The following NOTCH3 variants were observed in gnomAD, a reference collection of about 807,000 sequenced individuals.
NOTCH3 encodes neurogenic locus notch homolog protein 3.
A neutral mutation model predicts 213.3 loss-of-function variants in NOTCH3; 86 were observed. That is an observed-to-expected ratio of 0.40 (90% confidence interval 0.34 to 0.48). NOTCH3 has a LOEUF of 0.48. Ranked by LOEUF, NOTCH3 falls within the 20% of genes least tolerant of loss-of-function variation. The pLI is 0.57. For synonymous variants in NOTCH3, 1,354 were observed against 1,355.9 expected (o/e 1.00, Z 0.03); for missense variants, 2,783 against 3,272.6 (o/e 0.85, Z 3.65).
rs780963644 is a variant in NOTCH3, at chr19:15,161,340, C to T, written c.6288G>A (p.Ser2096=). Residue 2096 remains serine (S), a synonymous_variant, in exon 33 of 33, where the codon TCG becomes TCA. Coordinates refer to ENST00000263388, the MANE Select transcript of NOTCH3 (RefSeq NM_000435.3). The part of the protein sequence containing the change: ...LACPGPLADS[S]VTLSPVDSLD... ...GCGAGTCCACGGGCGACAGCGTGAC[C>T]GAGCTGTCAGCCAGGGGGCCCGGGC... The T allele has an allele frequency of 1.8e-5, 27 of 1,526,656 alleles. No individual in the cohort carries two copies. The East Asian group carries it at 1.9e-4, about 11-fold the overall frequency. 94.6% of individuals were successfully genotyped at this position (1,526,656 alleles called of 1,614,324 possible). A position where few individuals can be genotyped will look rare whatever the true frequency, so the allele number is the denominator to read the frequency against.
At position 15,192,405 on chromosome 19, in the gene NOTCH3, G is replaced by A. The variant is rs2145443103; in HGVS notation, c.312C>T (p.Phe104=). The A allele has an allele frequency of 6.2e-7, 1 of 1,612,610 alleles. No homozygotes were observed. The highest frequency in any genetic ancestry group is 8.5e-7 in the Non-Finnish European group (1 of 1,179,938). The change falls in exon 3 of 33, where the codon TTC becomes TTT. Residue 104 remains phenylalanine, a synonymous_variant. Transcript: ENST00000263388. ...QSSVVAGTAR[F]SCRCPRGFRG... ...GGAAGCCACGGGGGCACCGGCATGA[G>A]AATCGGGCGGTGCCAGCCACCACTG... is the stretch of plus-strand genomic sequence containing the variant.
In NOTCH3 at chr19:15,165,851, T is replaced by C. The variant is rs2145391979; in HGVS notation, c.5603A>G (p.Gln1868Arg). ...LLDAGADTNA[Q>R]DHSGRTPLHT... ...CAGGGGAGTGCGGCCTGAGTGGTCC[T>C]GGGCATTGGTGTCTGCCCCAGCATC... is the stretch of plus-strand genomic sequence containing the variant. The change falls in exon 30 of 33, where the codon CAG (glutamine) becomes CGG (arginine). Residue 1868 changes from glutamine to arginine, a missense_variant. By Grantham distance (43) the Gln-to-Arg change is conservative. Transcript: ENST00000263388. The surrounding 1 kb of genome is among the most constrained non-coding windows in gnomAD (Gnocchi z 4.7). The C allele has an allele frequency of 1.5e-5, 25 of 1,614,010 alleles. No individual in the cohort carries two copies. Among genetic ancestry groups the C allele is most frequent in the Non-Finnish European group, 2.1e-5 (25 of 1,180,006 alleles).
rs1455598072 is a variant in NOTCH3 at position 15,191,467 on chromosome 19, G to A, written c.993C>T (p.Asp331=). ...AGGCACAGTAGAAAGAAGCCACGCG[G>A]TCATGGCAGGTGGCCCCATGGAAGC... ...AVCFHGATCH[D]RVASFYCACP... Residue 331 remains aspartate (D), a synonymous_variant, in exon 6 of 33, where the codon GAC becomes GAT. Transcript: ENST00000263388. 3.1e-6 allele frequency: 5 copies of A among 1,613,480 alleles called. No individual in the cohort carries two copies. The highest frequency in any genetic ancestry group is 4.2e-6 in the Non-Finnish European group (5 of 1,180,042).
intron 25 of NOTCH3, among the ~76,000 whole-genome samples, chr19:15,171,710 C>T (rs1239373424): frequency 2.0e-5 from 3 of 152,134 alleles, no homozygotes; most frequent in South Asian, 2.1e-4. Flanking sequence ...CTTGCTCTGT[C>T]GACAGGCTGG....
rs761959009 is a variant in NOTCH3, at chr19:15,192,138, G to A, written c.501C>T (p.Pro167=). The change falls in exon 4 of 33, where the codon CCC becomes CCT. Residue 167 remains proline, a synonymous_variant. Transcript: ENST00000263388. ...SDVDECRVGE[P]CRHGGTCLNT... Reference sequence around the variant, plus strand: ...TGAGGCAGGTGCCACCATGGCGGCAGGGCTCACCCACCCGGCACTCATCCA... The same window carrying A: ...TGAGGCAGGTGCCACCATGGCGGCAAGGCTCACCCACCCGGCACTCATCCA... 1.9e-6 allele frequency: 3 copies of A among 1,612,872 alleles called. No homozygotes were observed. The highest frequency in any genetic ancestry group is 1.7e-5 in the Admixed American group (1 of 59,998).
chr19:15,195,246 G>A (rs1034169570), intron 2 of NOTCH3, among the ~76,000 whole-genome samples: 4 of 152,096 alleles, frequency 2.6e-5, no homozygotes, highest in African/African-American at 9.7e-5. Flanking sequence ...GAGGGTTGGG[G>A]TACTGACACC....
At chr19:15,174,894 T>C (rs1191019402) in intron 24 of NOTCH3, among the ~76,000 whole-genome samples, 1 of 152,116 alleles carries the variant, frequency 6.6e-6, no homozygotes, top group South Asian at 2.1e-4. Flanking sequence ...TTTTTTTAAA[T>C]TGATTGATTG....
chr19:15,184,905 C>A lies in NOTCH3; in HGVS notation c.2410+1G>T. 1 of 1,530,958 alleles carries A rather than the reference C, an allele frequency of 6.5e-7. No homozygotes were observed. The highest frequency in any genetic ancestry group is 8.9e-7 in the Non-Finnish European group (1 of 1,128,704). 94.8% of individuals were successfully genotyped at this position (1,530,958 alleles called of 1,614,324 possible). A position where few individuals can be genotyped will look rare whatever the true frequency, so the allele number is the denominator to read the frequency against. On this transcript the variant is annotated splice_donor_variant, in intron 15 of 32. Transcript: ENST00000263388. LOFTEE classifies it high-confidence loss of function. ...GGAGGGAAGAGAAGCAGGTGGCATACCTTGCCAGCCCTGGGGGCAGGAGCA... is the reference window on the plus strand; with the variant it reads ...GGAGGGAAGAGAAGCAGGTGGCATAACTTGCCAGCCCTGGGGGCAGGAGCA...
chr19:15,199,949 C>T (rs1025547850), intron 1 of NOTCH3, among the ~76,000 whole-genome samples: 1 of 151,724 alleles, frequency 6.6e-6, no homozygotes, highest in African/African-American at 2.4e-5. Flanking sequence ...CCGCGGGTCC[C>T]GCTTTGTCTG....
In NOTCH3 at chr19:15,170,744, G is replaced by A. The variant is rs2145401670; in HGVS notation, c.4818C>T (p.Ser1606=). 1 of 1,611,036 alleles carries A rather than the reference G, an allele frequency of 6.2e-7. No homozygotes were observed. Among genetic ancestry groups the A allele is most frequent in the South Asian group, 1.1e-5 (1 of 90,364 alleles). Residue 1606 remains serine (S), a synonymous_variant, in exon 26 of 33, where the codon AGC becomes AGT. Transcript: ENST00000263388. ...ACAACGCTCCCAGGTAGTCAGCGGC[G>A]CTCTGGGCATCGGGGAAGCAGTGAT... is the stretch of plus-strand genomic sequence containing the variant. ...ENDHCFPDAQ[S]AADYLGALSA...
At position 15,185,045 on chromosome 19, in the gene NOTCH3, C is replaced by T. The variant is rs756791417; in HGVS notation, c.2297-26G>A. 4 of 1,361,318 alleles carry T rather than the reference C, an allele frequency of 2.9e-6. No individual in the cohort carries two copies. The African/African-American group carries it at 5.7e-5, about 20-fold the overall frequency. The allele number at this position is 1,361,318 out of a possible 1,614,324, so 84.3% of individuals were successfully genotyped here. The stretch of plus-strand genomic sequence containing the variant: ...CTGTTGGGGGTGGAAGAGAGGGAAG[C>T]AGAGATAGCCTTGAGGGACTCCCTG... On this transcript the variant is annotated intron_variant, in intron 14 of 32. Coordinates refer to ENST00000263388, the MANE Select transcript of NOTCH3 (RefSeq NM_000435.3). The surrounding 1 kb of genome is among the most constrained non-coding windows in gnomAD (Gnocchi z 4.2).
Position 15,186,875 on chromosome 19 carries a change from C to A in NOTCH3, c.1951+3G>T. The A allele has an allele frequency of 6.2e-7, 1 of 1,612,290 alleles. No homozygotes were observed. Among genetic ancestry groups the A allele is most frequent in the Admixed American group, 1.7e-5 (1 of 60,024 alleles). On this transcript the variant is annotated splice_donor_region_variant and intron_variant, in intron 12 of 32. Coordinates refer to ENST00000263388, the MANE Select transcript of NOTCH3 (RefSeq NM_000435.3). ...CCCCCTCTCATGGCAGCCACTTGCC[C>A]ACCTGTGAAGCCAGGTTGGCAGACA... is the stretch of plus-strand genomic sequence containing the variant.
In NOTCH3 at chr19:15,178,003, G is replaced by C. The variant is rs1402176902; in HGVS notation, c.3925C>G (p.Arg1309Gly). ...PVGVPCQQTPRGPRCACPPGL... is the reference protein window; with the variant it reads ...PVGVPCQQTPGGPRCACPPGL... ...GGGGGGCAGGCGCAGCGCGGCCCGC[G>C]GGGCGTCTGCTGGCATGGGACGCCC... Residue 1309 changes from arginine to glycine, a missense_variant, in exon 24 of 33, where the codon CGC (arginine) becomes GGC (glycine). This residue lies in a region of NOTCH3 where 133 missense variants were observed against 201.9 expected (regional missense o/e 0.66). Transcript: ENST00000263388. 3.4e-6 allele frequency: 5 copies of C among 1,464,196 alleles called. No homozygotes were observed. Among genetic ancestry groups the C allele is most frequent in the East Asian group, 5.8e-5 (2 of 34,220 alleles). The allele number at this position is 1,464,196 out of a possible 1,614,324, so 90.7% of individuals were successfully genotyped here. A position where few individuals can be genotyped will look rare whatever the true frequency, so the allele number is the denominator to read the frequency against.
chr19:15,167,227 T>C, intron 29 of NOTCH3, 22 bp downstream of exon 29: 1 of 1,606,364 alleles, frequency 6.2e-7, no homozygotes, highest in Non-Finnish European at 8.5e-7. Context: ...GGCATCCCTT[T>C]GGGAGGGGCA....
At chr19:15,194,011 G>A (rs2046951740) in intron 2 of NOTCH3, among the ~76,000 whole-genome samples, 1 of 152,034 alleles carries the variant, frequency 6.6e-6, no homozygotes, top group Non-Finnish European at 1.5e-5. Context: ...GAACCTGGGA[G>A]GCGGAGGTTG....
In NOTCH3 at chr19:15,185,052, A is replaced by G. The variant is rs1286114514; in HGVS notation, c.2297-33T>C. 2.3e-6 allele frequency: 3 copies of G among 1,325,282 alleles called. No homozygotes were observed. Among genetic ancestry groups the G allele is most frequent in the South Asian group, 2.8e-5 (2 of 71,856 alleles). 82.1% of individuals were successfully genotyped at this position (1,325,282 alleles called of 1,614,324 possible). On this transcript the variant is annotated intron_variant, in intron 14 of 32. Coordinates refer to ENST00000263388, the MANE Select transcript of NOTCH3 (RefSeq NM_000435.3). The surrounding 1 kb of genome is among the most constrained non-coding windows in gnomAD (Gnocchi z 4.2). Reference sequence around the variant, plus strand: ...GGGTGGAAGAGAGGGAAGCAGAGATAGCCTTGAGGGACTCCCTGATCCCAT... The same window carrying G: ...GGGTGGAAGAGAGGGAAGCAGAGATGGCCTTGAGGGACTCCCTGATCCCAT...
intron 19 of NOTCH3, 25 bp downstream of exon 19, chr19:15,180,656 C>A (rs1027068584): frequency 5.2e-6 from 8 of 1,544,506 alleles, no homozygotes; most frequent in Non-Finnish European, 8.7e-7. Context: ...AGGCCCCACA[C>A]GCCCGCCCAC....
At chr19:15,199,850 C>G (rs1313777306) in intron 1 of NOTCH3, among the ~76,000 whole-genome samples, 2 of 152,082 alleles carry the variant, frequency 1.3e-5, no homozygotes, top group African/African-American at 4.8e-5. Context: ...GGACCCCTGG[C>G]CAGGGGCCTT....
At chr19:15,186,388 TG>T (rs1173908237) in intron 12 of NOTCH3, among the ~76,000 whole-genome samples, 2 of 18,888 alleles carry the variant, frequency 1.1e-4, no homozygotes, top group Non-Finnish European at 1.7e-4. Flanking sequence ...TATGTGTGTG[TG>T]TGTGTGTGTG....
Sources: gnomAD v4.1 joint callset for allele counts (sites outside exome capture counted in the v4.1 genomes callset) on GRCh38, gnomAD v4.1.1 for gene constraint, gnomAD v4.1.1 regional missense constraint, Gnocchi (gnomAD v3.1) non-coding constraint, MANE v1.5 for transcripts, NCBI Gene and HGNC (gene_info 2026-07-23, HGNC 2026-07-21) for gene names.